IGF2R: variants seen among roughly 807,000 people sequenced by gnomAD.
The protein encoded by IGF2R is insulin like growth factor 2 receptor.
In IGF2R, 91 loss-of-function variants were observed where a neutral mutation model predicts 270.6. That is an observed-to-expected ratio of 0.34 (90% CI 0.28 to 0.40). IGF2R has a LOEUF of 0.40. IGF2R is among the 10% of genes least tolerant of loss of function. The pLI is 1.00. For synonymous variants in IGF2R, 1,316 were observed against 1,258.9 expected, an observed-to-expected ratio of 1.05 and a Z score of -0.96; for missense variants, 2,805 against 3,188.3, an observed-to-expected ratio of 0.88 and a Z score of 2.90.
At chr6:159,977,698 GTCACTTTCCTGGGC>G (rs1783715747) in intron 1 of IGF2R, among the ~76,000 whole-genome samples, 2 of 152,192 alleles carry the variant, frequency 1.3e-5, no homozygotes, top group African/African-American at 4.8e-5. Flanking sequence ...AGTTTTGGAA[GTCACTTTCCTGGGC>G]TTGAATCCAG....
chr6:160,070,996 G>C (rs73781832), intron 31 of IGF2R, among the ~76,000 whole-genome samples: 11 of 152,186 alleles, frequency 7.2e-5, no homozygotes, highest in Non-Finnish European at 1.6e-4. Context: ...CCCCACATGT[G>C]GGGGGCAAAG....
Position 160,073,754 on chromosome 6 carries a change from C to T in IGF2R, c.4948-3C>T, listed in dbSNP as rs2115276248. ...ACTCAAAGCAGTCTTTCCTACTTAA[C>T]AGACCGAATGTTCCGTGAGGAATGG... On this transcript the variant is annotated splice_polypyrimidine_tract_variant and splice_region_variant and intron_variant, in intron 34 of 47. Coordinates refer to ENST00000356956, the MANE Select transcript of IGF2R (RefSeq NM_000876.4). 6.2e-7 allele frequency: 1 copy of T among 1,612,884 alleles called. No homozygotes were observed. Among genetic ancestry groups the T allele is most frequent in the South Asian group, 1.1e-5 (1 of 91,030 alleles).
At position 160,043,194 on chromosome 6, in the gene IGF2R, A is replaced by G. The variant is rs1721669743; in HGVS notation, c.1527A>G (p.Thr509=). 4.3e-6 allele frequency: 7 copies of G among 1,614,230 alleles called. No individual in the cohort carries two copies. The highest frequency in any genetic ancestry group is 5.9e-6 in the Non-Finnish European group (7 of 1,180,016). ...CTGTGGATGGCAGTCAGACGGAAAC[A>G]GAGAAGAAGCATTTTTTCATTAATA... ...WEAVDGSQTE[T]EKKHFFINIC... The change falls in exon 12 of 48, where the codon ACA becomes ACG. Residue 509 remains threonine (T), a synonymous_variant. Transcript: ENST00000356956.
intron 2 of IGF2R, among the ~76,000 whole-genome samples, chr6:159,995,065 GCTGT>G (rs1405267811): frequency 1.3e-5 from 2 of 152,040 alleles, no homozygotes; most frequent in Non-Finnish European, 2.9e-5. Flanking sequence ...TTATTACATT[GCTGT>G]CTATCTCCTC....
rs757535144 is a variant in IGF2R, at chr6:160,079,595, C to T, written c.5494C>T (p.Arg1832Cys). ...TSTFKVTRDSRTYSVGVCTFA... is the reference protein window; with the variant it reads ...TSTFKVTRDSCTYSVGVCTFA... ...TTTTGTCCAGGTGACTCGCGACTCG[C>T]GCACCTACAGCGTTGGGGTGTGCAC... is the stretch of plus-strand genomic sequence containing the variant. The change falls in exon 38 of 48, where the codon CGC (arginine) becomes TGC (cysteine). Residue 1832 changes from arginine to cysteine, a missense_variant. By Grantham distance (180) the Arg-to-Cys change is radical (BLOSUM62 -3). This residue lies in a region of IGF2R where 1,851 missense variants were observed against 2,207.2 expected (regional missense o/e 0.84). Coordinates refer to ENST00000356956, the MANE Select transcript of IGF2R (RefSeq NM_000876.4). The T allele has an allele frequency of 1.1e-5, 16 of 1,449,926 alleles. No homozygotes were observed. The highest frequency in any genetic ancestry group is 1.4e-5 in the Non-Finnish European group (15 of 1,096,322). 89.8% of individuals were successfully genotyped at this position (1,449,926 alleles called of 1,614,324 possible).
chr6:160,064,941 C>T (rs1269260437), intron 29 of IGF2R, 40 bp downstream of exon 29: 18 of 1,361,328 alleles, frequency 1.3e-5, no homozygotes, highest in Non-Finnish European at 1.5e-5. Flanking sequence ...GACAGACTAA[C>T]TTGGTATGAT....
chr6:160,083,835 G>A lies in IGF2R; in HGVS notation c.5834-115G>A, dbSNP rs553741124. On this transcript the variant is annotated intron_variant, in intron 39 of 47. Coordinates refer to ENST00000356956, the MANE Select transcript of IGF2R (RefSeq NM_000876.4). ...AAAGCTACAAATTAACAACATCTCAGCAAAGCAATTGTTTAAAGTACAGGG... is the reference window on the plus strand; with the variant it reads ...AAAGCTACAAATTAACAACATCTCAACAAAGCAATTGTTTAAAGTACAGGG... 7.9e-6 allele frequency: 6 copies of A among 755,830 alleles called. No homozygotes were observed. The East Asian group carries it at 1.6e-4, about 20-fold the overall frequency. The allele number at this position is 755,830 out of a possible 1,614,324, so 46.8% of individuals were successfully genotyped here.
chr6:160,063,315 G>C (rs754185939), intron 26 of IGF2R, 100 bp from the exon 27 acceptor site: 2 of 890,192 alleles, frequency 2.2e-6, no homozygotes, highest in African/African-American at 1.6e-5. Flanking sequence ...GGGATTACAG[G>C]CGTGAGCCAC....
rs1202567774 is a variant in IGF2R at position 160,071,765 on chromosome 6, C to T, written c.4444-145C>T. 2.4e-5 allele frequency: 26 copies of T among 1,073,744 alleles called. No homozygotes were observed. The South Asian group carries it at 3.5e-4, about 15-fold the overall frequency. 66.5% of individuals were successfully genotyped at this position (1,073,744 alleles called of 1,614,324 possible). The stretch of plus-strand genomic sequence containing the variant: ...ATTCTGACCCTTTGCTTTTCCTAAT[C>T]TGCGCCTCATCCCACAGGCACATGG... On this transcript the variant is annotated intron_variant, in intron 31 of 47. Coordinates refer to ENST00000356956, the MANE Select transcript of IGF2R (RefSeq NM_000876.4).
intron 5 of IGF2R, among the ~76,000 whole-genome samples, chr6:160,026,800 C>G (rs1777569794): frequency 6.6e-6 from 1 of 152,210 alleles, no homozygotes; most frequent in East Asian, 1.9e-4. Context: ...GATTTGAACC[C>G]AGAGCTGTGG....
intron 2 of IGF2R, among the ~76,000 whole-genome samples, chr6:159,997,988 G>A (rs901614879): frequency 6.6e-6 from 1 of 152,302 alleles, no homozygotes; most frequent in African/African-American, 2.4e-5. Flanking sequence ...TGAAAAACCT[G>A]GTGAGAGGGA....
At chr6:160,019,886 T>A (rs943021294) in intron 4 of IGF2R, among the ~76,000 whole-genome samples, 4 of 152,284 alleles carry the variant, frequency 2.6e-5, no homozygotes, top group Admixed American at 2.6e-4. Context: ...GCATTTCCCC[T>A]AAGAAGTGGA....
At position 159,992,358 on chromosome 6, in the gene IGF2R, T is replaced by C. The variant is rs144624638; in HGVS notation, c.289+1035T>C. 4.7e-3 allele frequency among the ~76,000 whole-genome samples: 719 copies of C among 152,340 alleles called. 5 individuals are homozygous for C. The highest frequency in any genetic ancestry group is 0.01 in the Middle Eastern group (3 of 294). ...TACATTATACCCAGTAGATAATTTC[T>C]AATTCCTCACCCCCCAACCTTTCTG... On this transcript the variant is annotated intron_variant, in intron 2 of 47. Coordinates refer to ENST00000356956, the MANE Select transcript of IGF2R (RefSeq NM_000876.4).
intron 45 of IGF2R, among the ~76,000 whole-genome samples, chr6:160,098,684 T>C (rs534390422): frequency 1.3e-5 from 2 of 152,246 alleles, no homozygotes; most frequent in South Asian, 4.1e-4. Context: ...CCAGGTGTGG[T>C]GGTGCACACC....
intron 19 of IGF2R, among the ~76,000 whole-genome samples, chr6:160,051,978 G>C (rs1048575492): frequency 4.6e-5 from 7 of 151,738 alleles, no homozygotes; most frequent in Non-Finnish European, 7.4e-5. Context: ...GGGAGGCAGA[G>C]GTAGGAGGAT....
At chr6:160,051,098 G>T (rs189002854) in intron 19 of IGF2R, among the ~76,000 whole-genome samples, 2 of 152,240 alleles carry the variant, frequency 1.3e-5, no homozygotes, top group Admixed American at 1.3e-4. Flanking sequence ...AAATTTTGAC[G>T]TGCATAGCAC....
chr6:160,058,839 G>A, intron 21 of IGF2R, 67 bp from the exon 22 acceptor site: 1 of 1,382,978 alleles, frequency 7.2e-7, no homozygotes, highest in Admixed American at 1.9e-5. Flanking sequence ...GAGTTGCTAG[G>A]GTTCTTGTCT....
At chr6:160,085,907 G>A (rs1282419428) in intron 41 of IGF2R, among the ~76,000 whole-genome samples, 3 of 152,186 alleles carry the variant, frequency 2.0e-5, no homozygotes, top group Non-Finnish European at 4.4e-5. Context: ...CCTGAGACCC[G>A]CCCTCCCTGG....
rs35974914 is a variant in IGF2R at position 159,995,895 on chromosome 6, C to CT, written c.289+4592dup. On this transcript the variant is annotated intron_variant, in intron 2 of 47. Transcript: ENST00000356956. ...GAGTCTTTGGGGATGTTGCAGCGCT[C>CT]TTTTTTTTTTTTTTTTTTTTAATAC... Among the ~76,000 whole-genome samples the CT allele has an allele frequency of 4.9e-3, 480 of 98,734 alleles. 6 individuals carry two copies. Among genetic ancestry groups the CT allele is most frequent in the African/African-American group, 9.4e-3 (253 of 26,972 alleles). 64.8% of individuals were successfully genotyped at this position (98,734 alleles called of 152,430 possible).
Sources: gnomAD v4.1 joint callset for allele counts (sites outside exome capture counted in the v4.1 genomes callset) on GRCh38, gnomAD v4.1.1 for gene constraint, gnomAD v4.1.1 regional missense constraint, MANE v1.5 for transcripts, NCBI Gene and HGNC (gene_info 2026-07-23, HGNC 2026-07-21) for gene names.